Variants in OR4E2 observed in about 807,000 individuals in gnomAD.
The protein encoded by OR4E2 is olfactory receptor 4E2.
In OR4E2, 9 loss-of-function variants were observed where a neutral mutation model predicts 11.0. That is an observed-to-expected ratio of 0.82 (90% confidence interval 0.49 to 1.43). OR4E2 has a LOEUF of 1.43. OR4E2 is among the 40% of genes most tolerant of loss of function. The pLI is 0.00. For missense variants in OR4E2, 441 were observed against 382.0 expected (o/e 1.15, Z -1.29); for synonymous variants, 159 against 147.3 (o/e 1.08, Z -0.57).
At chr14:21,664,264 G>T (rs562613664) in intron 3 of OR4E2, among the ~76,000 whole-genome samples, 2 of 152,212 alleles carry the variant, frequency 1.3e-5, no homozygotes, top group African/African-American at 4.8e-5. Context: ...ACCAACATCT[G>T]TTCTTCTGTT....
chr14:21,664,942 C>T (rs1880545278), intron 3 of OR4E2, 133 bp from the exon 4 acceptor site: 5 of 614,054 alleles, frequency 8.1e-6, no homozygotes, highest in Middle Eastern at 4.3e-4. Context: ...GTAACAACTA[C>T]TGTTAAATTG....
chr14:21,657,371 TTCCTTCC>T (rs1266361707), intron 2 of OR4E2, among the ~76,000 whole-genome samples: 17 of 147,082 alleles, frequency 1.2e-4, no homozygotes, highest in Non-Finnish European at 2.4e-4. Flanking sequence ...CCTTCCTTCC[TTCCTTCC>T]TTCCTTCCTT....
chr14:21,656,131 C>T (rs1879933674), intron 1 of OR4E2, among the ~76,000 whole-genome samples: 1 of 151,186 alleles, frequency 6.6e-6, no homozygotes, highest in African/African-American at 2.4e-5. Context: ...AACCAACCAA[C>T]CAACCAAAAA....
At chr14:21,658,671 T>C (rs1252453795) in intron 2 of OR4E2, among the ~76,000 whole-genome samples, 2 of 152,168 alleles carry the variant, frequency 1.3e-5, no homozygotes, top group Admixed American at 1.3e-4. Context: ...CACGATACTC[T>C]TCAGAGGTAT....
chr14:21,663,730 A>T (rs1284025396), intron 3 of OR4E2, among the ~76,000 whole-genome samples: 1 of 152,174 alleles, frequency 6.6e-6, no homozygotes, highest in Non-Finnish European at 1.5e-5. Context: ...TTACATAGGT[A>T]AACGTGTGGC....
rs769421748 is a variant in OR4E2 at position 21,665,538 on chromosome 14, T to A, written c.456T>A (p.Gly152=). The change falls in exon 4 of 4, where the codon GGT becomes GGA. Residue 152 remains glycine, a synonymous_variant. Transcript: ENST00000641524. ...IQLVFALWLG[G]TVHSLGQTFL... ...TTGTCTTTGCTCTCTGGTTGGGGGG[T>A]ACTGTTCACTCACTAGGGCAGACCT... is the stretch of plus-strand genomic sequence containing the variant. 1.2e-6 allele frequency: 2 copies of A among 1,613,914 alleles called. No homozygotes were observed. The highest frequency in any genetic ancestry group is 1.7e-6 in the Non-Finnish European group (2 of 1,179,988).
intron 3 of OR4E2, among the ~76,000 whole-genome samples, chr14:21,661,421 ACTCC>A (rs1420700015): frequency 1.3e-5 from 2 of 151,162 alleles, no homozygotes; most frequent in Non-Finnish European, 2.9e-5. Context: ...TCCCTTCCTC[ACTCC>A]CTGCCTTCTT....
At chr14:21,655,638 A>G (rs1397785566) in intron 1 of OR4E2, among the ~76,000 whole-genome samples, 1 of 152,200 alleles carries the variant, frequency 6.6e-6, no homozygotes, top group East Asian at 1.9e-4. Flanking sequence ...GCACCATTGT[A>G]TTACAGCCTG....
rs1227957878 is a variant in OR4E2, at chr14:21,666,256, T to C, written c.*232T>C. On this transcript the variant is annotated 3_prime_UTR_variant, in exon 4 of 4. Transcript: ENST00000641524. ...GTGGAAGTTATAAGGAAAAATAACG[T>C]GGGAAAGTTTAAAGACAGCTTTTGA... is the stretch of plus-strand genomic sequence containing the variant. 1.4e-5 allele frequency: 6 copies of C among 418,948 alleles called. No homozygotes were observed. In the South Asian group the frequency reaches 1.8e-4, roughly 13 times the overall value. 26.0% of individuals were successfully genotyped at this position (418,948 alleles called of 1,614,324 possible).
chr14:21,661,315 A>ACC (rs1366274148), intron 3 of OR4E2, among the ~76,000 whole-genome samples: 1 of 152,202 alleles, frequency 6.6e-6, no homozygotes, highest in African/African-American at 2.4e-5. Flanking sequence ...AATATGTTGA[A>ACC]GCATATGCAT....
intron 3 of OR4E2, among the ~76,000 whole-genome samples, chr14:21,664,388 CTTCTT>C (rs1361468775): frequency 2.5e-4 from 38 of 152,088 alleles, no homozygotes; most frequent in Admixed American, 2.5e-3. Flanking sequence ...ACATAAATGT[CTTCTT>C]TTGAGAAGTG....
Position 21,666,300 on chromosome 14 carries a change from AC to A in OR4E2, c.*277del. On this transcript the variant is annotated 3_prime_UTR_variant, in exon 4 of 4. Transcript: ENST00000641524. ...CTTTTGATTTCATCAGTAAAAGAAT[AC>A]AATTTGGGGAACTCAGTTCAGTCTC... 1 of 337,476 alleles carries A rather than the reference AC, an allele frequency of 3.0e-6. No individual in the cohort carries two copies. Among genetic ancestry groups the A allele is most frequent in the Non-Finnish European group, 5.4e-6 (1 of 184,970 alleles). The allele number at this position is 337,476 out of a possible 1,614,324, so 20.9% of individuals were successfully genotyped here.
At chr14:21,662,896 T>C (rs1018778310) in intron 3 of OR4E2, among the ~76,000 whole-genome samples, 1 of 152,210 alleles carries the variant, frequency 6.6e-6, no homozygotes, top group African/African-American at 2.4e-5. Flanking sequence ...ATTATTTTTG[T>C]GGCTTGTGAT....
chr14:21,657,365 CCTTCCTTCCTTCCTTCCTTCCTTTCTTT>C (rs1489389846), intron 2 of OR4E2, among the ~76,000 whole-genome samples: 5 of 145,410 alleles, frequency 3.4e-5, no homozygotes, highest in African/African-American at 1.3e-4. Context: ...TTCCTTCCTT[CCTTCCTTCCTTCCTTCCTTCCTTTCTTT>C]CTTCCTTCCT....
At chr14:21,655,941 G>A (rs980470619) in intron 1 of OR4E2, among the ~76,000 whole-genome samples, 1 of 151,832 alleles carries the variant, frequency 6.6e-6, no homozygotes. Context: ...TGTAAAATTT[G>A]CAGAAAAGAA....
Position 21,665,320 on chromosome 14 carries a change from A to G in OR4E2, c.238A>G (p.Lys80Glu), listed in dbSNP as rs1219628980. ...DICHSSVTVP[K>E]MLEGLLLERK... ...CTGCCACTCATCTGTCACTGTGCCT[A>G]AGATGTTGGAGGGTTTGCTTTTAGA... is the stretch of plus-strand genomic sequence containing the variant. Residue 80 changes from lysine to glutamate, a missense_variant, in exon 4 of 4, where the codon AAG (lysine) becomes GAG (glutamate). Physicochemically the swap from Lys to Glu is moderately conservative, Grantham distance 56 (BLOSUM62 1). Transcript: ENST00000641524. The G allele has an allele frequency of 4.3e-6, 7 of 1,614,010 alleles. No individual in the cohort carries two copies. Among genetic ancestry groups the G allele is most frequent in the Non-Finnish European group, 8.5e-7 (1 of 1,180,010 alleles).
chr14:21,658,697 A>T (rs1429802570), intron 2 of OR4E2, among the ~76,000 whole-genome samples: 1 of 152,084 alleles, frequency 6.6e-6, no homozygotes, highest in Non-Finnish European at 1.5e-5. Context: ...CAAAAAGGGG[A>T]AAGTTGTTGC....
At chr14:21,656,118 A>G (rs1033964911) in intron 1 of OR4E2, among the ~76,000 whole-genome samples, 1 of 152,006 alleles carries the variant, frequency 6.6e-6, no homozygotes, top group Non-Finnish European at 1.5e-5. Context: ...GTCTCTACAA[A>G]AAAACCAACC....
Position 21,667,525 on chromosome 14 carries a change from T to C in OR4E2, c.*1501T>C, listed in dbSNP as rs1010855102. 2 of 152,194 alleles carry C rather than the reference T, an allele frequency of 1.3e-5. No individual in the cohort carries two copies. The highest frequency in any genetic ancestry group is 3.8e-4 in the East Asian group (2 of 5,206). 9.4% of individuals were successfully genotyped at this position (152,194 alleles called of 1,614,324 possible). A position where few individuals can be genotyped will look rare whatever the true frequency, so the allele number is the denominator to read the frequency against. On this transcript the variant is annotated 3_prime_UTR_variant, in exon 4 of 4. Coordinates refer to ENST00000641524, the MANE Select transcript of OR4E2 (RefSeq NM_001001912.3). ...ACAAACAAGGGTAGAAAATGGTCAGTCCCCTATAATTCTCATATAAAACTT... is the reference window on the plus strand; with the variant it reads ...ACAAACAAGGGTAGAAAATGGTCAGCCCCCTATAATTCTCATATAAAACTT...
Sources: allele counts gnomAD v4.1 joint callset (sites outside exome capture counted in the v4.1 genomes callset), GRCh38; gene constraint gnomAD v4.1.1; transcripts MANE v1.5; gene names NCBI Gene and HGNC (gene_info 2026-07-23, HGNC 2026-07-21).